The following GRIP1 variants were observed in gnomAD, a reference collection of about 807,000 sequenced individuals.
GRIP1 encodes the protein glutamate receptor-interacting protein 1.
In GRIP1, 45 loss-of-function variants were observed where a neutral mutation model predicts 129.9. That is an observed-to-expected ratio of 0.35 (90% CI 0.27 to 0.44). The LOEUF is 0.44. Among genes scored for constraint, GRIP1 ranks in the 20% least tolerant of loss-of-function variants. The pLI is 1.00. For synonymous variants in GRIP1, 530 were observed against 520.8 expected (o/e 1.02, Z -0.24); for missense variants, 1,196 against 1,396.8 (o/e 0.86, Z 2.29).
At chr12:66,726,928 T>C (rs568865722) in intron 1 of GRIP1, among the ~76,000 whole-genome samples, 5 of 152,346 alleles carry the variant, frequency 3.3e-5, no homozygotes, top group African/African-American at 9.6e-5. Context: ...GGCCTTCGCA[T>C]TTAGAATTAG....
rs533293736 is a variant in GRIP1 at position 66,627,773 on chromosome 12, G to A, written c.56-30846C>T. Among the ~76,000 whole-genome samples the A allele has an allele frequency of 3.3e-5, 5 of 152,164 alleles. No individual in the cohort carries two copies. The South Asian group carries it at 6.2e-4, about 19-fold the overall frequency. ...CATTCCCTCAGACATAGCAGGACTC[G>A]ACTTGAGGCCCTTTGTTGGAAATTT... On this transcript the variant is annotated intron_variant, in intron 1 of 24. Transcript: ENST00000359742.
chr12:66,715,267 G>A (rs978912574), intron 1 of GRIP1, among the ~76,000 whole-genome samples: 1 of 151,954 alleles, frequency 6.6e-6, no homozygotes, highest in Non-Finnish European at 1.5e-5. Flanking sequence ...GACAGTACTT[G>A]CTATACTACT....
At chr12:66,607,888 T>C (rs1441499116) in intron 1 of GRIP1, among the ~76,000 whole-genome samples, 1 of 152,168 alleles carries the variant, frequency 6.6e-6, no homozygotes, top group Non-Finnish European at 1.5e-5. Context: ...TCAGGACCTA[T>C]CTCAGAACTC....
At chr12:67,036,268 T>C (rs1264748099) in intron 1 of GRIP1, among the ~76,000 whole-genome samples, 1 of 152,174 alleles carries the variant, frequency 6.6e-6, no homozygotes, top group East Asian at 1.9e-4. Context: ...AGATCACAGT[T>C]CTTTCCTACT....
At chr12:66,702,540 G>A (rs2035385875) in intron 1 of GRIP1, among the ~76,000 whole-genome samples, 3 of 152,062 alleles carry the variant, frequency 2.0e-5, no homozygotes, top group Admixed American at 2.0e-4. Context: ...CAAGCCCAAA[G>A]AAAATTACAT....
At chr12:66,854,091 T>G (rs955191437) in intron 1 of GRIP1, among the ~76,000 whole-genome samples, 3 of 152,010 alleles carry the variant, frequency 2.0e-5, no homozygotes, top group Admixed American at 6.6e-5. Context: ...TGCCAATTGT[T>G]AAACACTAGG....
At chr12:66,959,682 G>C (rs1319995968) in intron 1 of GRIP1, among the ~76,000 whole-genome samples, 1 of 152,040 alleles carries the variant, frequency 6.6e-6, no homozygotes, top group East Asian at 1.9e-4. Flanking sequence ...TTAAAAAGCA[G>C]CTTCAAATAT....
chr12:66,882,967 A>G (rs1566063875), intron 1 of GRIP1, among the ~76,000 whole-genome samples: 1 of 152,090 alleles, frequency 6.6e-6, no homozygotes. Flanking sequence ...GGGAAGAAAA[A>G]CCACACAAGC....
At chr12:66,545,378 G>A (rs911506576) in intron 2 of GRIP1, among the ~76,000 whole-genome samples, 1 of 151,982 alleles carries the variant, frequency 6.6e-6, no homozygotes, top group African/African-American at 2.4e-5. Context: ...AAGTTCTTAC[G>A]AACAAATAAG....
rs113764653 is a variant in GRIP1 at position 66,662,957 on chromosome 12, A to G, written c.55+15893T>C. Among the ~76,000 whole-genome samples, 760 of 152,320 alleles carry G rather than the reference A, an allele frequency of 5.0e-3. 8 individuals carry two copies. The highest frequency in any genetic ancestry group is 0.017 in the African/African-American group (727 of 41,570). On this transcript the variant is annotated intron_variant, in intron 1 of 24. Transcript: ENST00000359742. Reference sequence around the variant, plus strand: ...TCTTGGATTAAAGCCCAGGCTATCAATGCTTTTTCAAAGGGTGTGCCATAA... The same window carrying G: ...TCTTGGATTAAAGCCCAGGCTATCAGTGCTTTTTCAAAGGGTGTGCCATAA...
At chr12:67,021,717 C>A (rs1436101379) in intron 1 of GRIP1, among the ~76,000 whole-genome samples, 3 of 152,080 alleles carry the variant, frequency 2.0e-5, no homozygotes, top group Non-Finnish European at 2.9e-5. Flanking sequence ...TCCCACTGTG[C>A]TACAGAACAC....
intron 1 of GRIP1, among the ~76,000 whole-genome samples, chr12:67,059,264 G>C (rs1328241170): frequency 6.6e-6 from 1 of 152,172 alleles, no homozygotes. Context: ...AAAAGGCCTC[G>C]GTAGAAGGTC....
At chr12:66,510,768 C>T (rs7969858) in intron 7 of GRIP1, among the ~76,000 whole-genome samples, 60,448 of 151,768 alleles carry the variant, frequency 0.4, 13,184 homozygotes, top group African/African-American at 0.6. Context: ...CTATATTGTA[C>T]ACACATACAC....
intron 1 of GRIP1, among the ~76,000 whole-genome samples, chr12:67,009,248 T>C (rs1415187686): frequency 6.6e-6 from 1 of 152,160 alleles, no homozygotes; most frequent in African/African-American, 2.4e-5. Context: ...TATATGTAAT[T>C]GCTGAAGATT....
chr12:66,938,335 A>G (rs2041521548), intron 1 of GRIP1, among the ~76,000 whole-genome samples: 2 of 152,170 alleles, frequency 1.3e-5, no homozygotes, highest in Non-Finnish European at 2.9e-5. Flanking sequence ...AGATCATGCC[A>G]CGGCATTCCA....
At chr12:66,970,891 T>G (rs567931951) in intron 1 of GRIP1, among the ~76,000 whole-genome samples, 1 of 152,272 alleles carries the variant, frequency 6.6e-6, no homozygotes, top group South Asian at 2.1e-4. Flanking sequence ...CCCTTTTCCT[T>G]GGAGAGTAAG....
chr12:66,492,647 T>C (rs1318885729), intron 7 of GRIP1, among the ~76,000 whole-genome samples: 1 of 152,154 alleles, frequency 6.6e-6, no homozygotes, highest in Non-Finnish European at 1.5e-5. Context: ...ATTAGAAGAA[T>C]TTGATATAGC....
At chr12:66,690,617 A>G (rs2034948251) in intron 1 of GRIP1, among the ~76,000 whole-genome samples, 1 of 151,720 alleles carries the variant, frequency 6.6e-6, no homozygotes, top group Non-Finnish European at 1.5e-5. Flanking sequence ...TATAACCCCA[A>G]GAATCTGGGA....
rs1592661209 is a variant in GRIP1 at position 66,348,849 on chromosome 12, A to G, written c.*170T>C. 4.5e-6 allele frequency: 3 copies of G among 668,070 alleles called. No individual in the cohort carries two copies. In the East Asian group the frequency reaches 7.7e-5, roughly 17 times the overall value. The allele number at this position is 668,070 out of a possible 1,614,324, so 41.4% of individuals were successfully genotyped here. ...TGGTCACCAAAAAAGAAACCTCTTC[A>G]ACTTGAAAAGGGAAGTGAACATGAG... is the stretch of plus-strand genomic sequence containing the variant. On this transcript the variant is annotated 3_prime_UTR_variant, in exon 25 of 25. Transcript: ENST00000359742.
Sources: gnomAD v4.1 joint callset for allele counts (sites outside exome capture counted in the v4.1 genomes callset) on GRCh38, gnomAD v4.1.1 for gene constraint, MANE v1.5 for transcripts, NCBI Gene and HGNC (gene_info 2026-07-23, HGNC 2026-07-21) for gene names.